The following DHCR7 variants were observed in gnomAD, a reference collection of about 807,000 sequenced individuals.
DHCR7 encodes 7-dehydrocholesterol reductase.
DHCR7 carries 40 observed loss-of-function variants against 43.3 expected under a neutral mutation model. The observed-to-expected ratio is 0.92, with a 90% CI of 0.72 to 1.20. The LOEUF is 1.20. DHCR7 is among the 50% of genes most tolerant of loss of function. The pLI is 0.00. For missense variants in DHCR7, 608 were observed against 644.6 expected (o/e 0.94, Z 0.62); for synonymous variants, 298 against 271.4 (o/e 1.10, Z -0.96).
chr11:71,430,548 G>T (rs951214090), downstream of DHCR7, among the ~76,000 whole-genome samples: 2 of 152,208 alleles, frequency 1.3e-5, no homozygotes, highest in South Asian at 4.1e-4. Context: ...GTCATGTGGG[G>T]TGGCTGCCCT....
At chr11:71,429,795 T>A (rs1370934712), downstream of DHCR7, among the ~76,000 whole-genome samples, 2 of 152,144 alleles carry the variant, frequency 1.3e-5, no homozygotes, top group Non-Finnish European at 2.9e-5. Context: ...ACTTGCCTGG[T>A]ACTTGCCTCT....
intron 8 of DHCR7, among the ~76,000 whole-genome samples, chr11:71,436,349 AAAG>A (rs1247267910): frequency 1.3e-5 from 2 of 152,192 alleles, no homozygotes; most frequent in Non-Finnish European, 2.9e-5. Context: ...CACCTTCCCC[AAAG>A]AAGAGGGAAT....
rs577213881 is a variant in DHCR7, at chr11:71,435,850, A to C, written c.964-11T>G. 6.3e-7 allele frequency: 1 copy of C among 1,593,924 alleles called. No homozygotes were observed. The highest frequency in any genetic ancestry group is 2.2e-5 in the East Asian group (1 of 44,588). ...CACCAAGTACAGACCCTGGGGGGCG[A>C]GGGGGAAGGGGTCAAGCGGTGCTTT... On this transcript the variant is annotated splice_polypyrimidine_tract_variant and intron_variant, in intron 8 of 8. Transcript: ENST00000355527.
chr11:71,446,909 T>C (rs754687659), intron 2 of DHCR7, among the ~76,000 whole-genome samples: 6 of 152,192 alleles, frequency 3.9e-5, no homozygotes, highest in Non-Finnish European at 7.3e-5. Context: ...AAACTACTTC[T>C]GAGAAAAGCT....
chr11:71,448,372 G>A lies in DHCR7; in HGVS notation c.-214C>T, dbSNP rs1949427890. The A allele has an allele frequency of 6.5e-6, 1 of 152,790 alleles. No homozygotes were observed. The highest frequency in any genetic ancestry group is 1.9e-4 in the East Asian group (1 of 5,202). The allele number at this position is 152,790 out of a possible 1,614,324, so 9.5% of individuals were successfully genotyped here. On this transcript the variant is annotated 5_prime_UTR_variant, in exon 1 of 9. Coordinates refer to ENST00000355527, the MANE Select transcript of DHCR7 (RefSeq NM_001360.3). The stretch of plus-strand genomic sequence containing the variant: ...GCTGCTCCACGCCGCCTACCCTCTA[G>A]CCAGGGGTCGGAGTCACCCGCAGGG...
In DHCR7 at chr11:71,441,295, G is replaced by A. The variant is rs757519627; in HGVS notation, c.558C>T (p.Ile186=). 1 of 1,614,240 alleles carries A rather than the reference G, an allele frequency of 6.2e-7. No individual in the cohort carries two copies. The highest frequency in any genetic ancestry group is 1.1e-5 in the South Asian group (1 of 91,084). Residue 186 remains isoleucine (I), a synonymous_variant, in exon 6 of 9, where the codon ATC becomes ATT. Transcript: ENST00000355527. ...NWIPLLWCAN[I]LGYAVSTFAM... is the part of the protein sequence containing the mutation. Reference sequence around the variant, plus strand: ...CGAAGGTGGAGACGGCATAGCCAAGGATGTTGGCGCACCACAGCAGTGGGA... The same window carrying A: ...CGAAGGTGGAGACGGCATAGCCAAGAATGTTGGCGCACCACAGCAGTGGGA...
intron 3 of DHCR7, among the ~76,000 whole-genome samples, chr11:71,444,543 G>A (rs1451078503): frequency 6.6e-6 from 1 of 152,162 alleles, no homozygotes; most frequent in African/African-American, 2.4e-5. Flanking sequence ...CCTGCACGAA[G>A]TCCCCATGGT....
intron 4 of DHCR7, among the ~76,000 whole-genome samples, chr11:71,443,350 A>T (rs1244627964): frequency 6.6e-6 from 1 of 152,060 alleles, no homozygotes; most frequent in Non-Finnish European, 1.5e-5. Flanking sequence ...TCATGATCTG[A>T]GCCTTCCTCC....
In DHCR7 at chr11:71,447,736, TG is replaced by T. The variant is rs1022115987; in HGVS notation, c.-131-3del. On this transcript the variant is annotated splice_polypyrimidine_tract_variant and splice_region_variant and intron_variant, in intron 1 of 8. Transcript: ENST00000355527. The stretch of plus-strand genomic sequence containing the variant: ...GATCCTTCTCAACCGGCTAAAGTCC[TG>T]CAAGGAACACAAAAATGAATAAGAC... The T allele has an allele frequency of 1.7e-4, 26 of 152,284 alleles. No individual in the cohort carries two copies. The highest frequency in any genetic ancestry group is 1.0e-4 in the Non-Finnish European group (7 of 68,066). 9.4% of individuals were successfully genotyped at this position (152,284 alleles called of 1,614,324 possible). A position where few individuals can be genotyped will look rare whatever the true frequency, so the allele number is the denominator to read the frequency against.
In DHCR7 at chr11:71,435,174, T is replaced by C. The variant is rs1387085921; in HGVS notation, c.*201A>G. On this transcript the variant is annotated 3_prime_UTR_variant, in exon 9 of 9. Coordinates refer to ENST00000355527, the MANE Select transcript of DHCR7 (RefSeq NM_001360.3). ...GTCTGTGCTGGCAATACGGCAGTGC[T>C]GGACACTCGGAATTCCCTTGAAGGC... 11 of 708,610 alleles carry C rather than the reference T, an allele frequency of 1.6e-5. No individual in the cohort carries two copies. Among genetic ancestry groups the C allele is most frequent in the East Asian group, 8.1e-5 (3 of 37,128 alleles). 43.9% of individuals were successfully genotyped at this position (708,610 alleles called of 1,614,324 possible).
downstream of DHCR7, among the ~76,000 whole-genome samples, chr11:71,429,969 G>A (rs918439028): frequency 2.6e-5 from 4 of 152,126 alleles, no homozygotes; most frequent in East Asian, 3.9e-4. Flanking sequence ...GACCCATCCC[G>A]TCCCCAGCTC....
chr11:71,437,841 C>T lies in DHCR7; in HGVS notation c.934G>A (p.Val312Ile). 2 of 1,614,040 alleles carry T rather than the reference C, an allele frequency of 1.2e-6. No homozygotes were observed. The highest frequency in any genetic ancestry group is 8.5e-7 in the Non-Finnish European group (1 of 1,180,014). ...FGWYLGWGDC[V>I]WLPYLYTLQG... is the part of the protein sequence containing the mutation. ...AGCGTGTAAAGATAAGGCAGCCAGA[C>T]ACAGTCGCCCCAGCCCAGGTACCAC... The change falls in exon 8 of 9, where the codon GTC becomes ATC. Residue 312 changes from valine (V) to isoleucine (I), a missense_variant. By Grantham distance (29) the Val-to-Ile change is conservative. Coordinates refer to ENST00000355527, the MANE Select transcript of DHCR7 (RefSeq NM_001360.3).
downstream of DHCR7, among the ~76,000 whole-genome samples, chr11:71,429,701 C>T (rs530537051): frequency 3.9e-5 from 6 of 151,978 alleles, no homozygotes; most frequent in East Asian, 5.8e-4. Context: ...GACTCATGAG[C>T]GGCGTTCAGG....
At chr11:71,427,701 G>A (rs181532055), downstream of DHCR7, among the ~76,000 whole-genome samples, 2 of 152,318 alleles carry the variant, frequency 1.3e-5, no homozygotes, top group Admixed American at 1.3e-4. Flanking sequence ...TGAGAGTAGA[G>A]TCTGGGGGAG....
downstream of DHCR7, among the ~76,000 whole-genome samples, chr11:71,432,176 T>A (rs564089673): frequency 2.0e-5 from 3 of 152,346 alleles, no homozygotes; most frequent in South Asian, 6.2e-4. Flanking sequence ...TTGAAACATA[T>A]TCCTCCTCCC....
intron 2 of DHCR7, among the ~76,000 whole-genome samples, chr11:71,446,979 G>A (rs554575693): frequency 7.2e-5 from 11 of 152,302 alleles, no homozygotes; most frequent in Non-Finnish European, 1.5e-4. Flanking sequence ...GCTTGCTTTA[G>A]ACAGTTCCTC....
At chr11:71,442,186 C>T in intron 5 of DHCR7, 77 bp downstream of exon 5, 2 of 1,093,150 alleles carry the variant, frequency 1.8e-6, no homozygotes, top group Non-Finnish European at 2.8e-6. Flanking sequence ...AGGGACAAAG[C>T]AGCGCTGGGG....
chr11:71,442,296 C>T lies in DHCR7; in HGVS notation c.379G>A (p.Gly127Arg). Residue 127 changes from glycine to arginine, a missense_variant, in exon 5 of 9, where the codon GGA becomes AGA. Coordinates refer to ENST00000355527, the MANE Select transcript of DHCR7 (RefSeq NM_001360.3). ...FCHKFLPGYV[G>R]GIQEGAVTPA... ...GTCACGGCCCCCTCCTGGATGCCTC[C>T]TACGTAGCCGGGTAGAAACTTATGG... The T allele has an allele frequency of 1.2e-6, 2 of 1,613,850 alleles. No individual in the cohort carries two copies. The highest frequency in any genetic ancestry group is 1.7e-6 in the Non-Finnish European group (2 of 1,179,932).
chr11:71,435,969 C>T (rs1259119413), intron 8 of DHCR7, 130 bp from the exon 9 acceptor site: 21 of 754,072 alleles, frequency 2.8e-5, no homozygotes, highest in Admixed American at 2.1e-5. Flanking sequence ...CCTCCGTGTT[C>T]TCTTCTGTGA....
Sources: allele counts gnomAD v4.1 joint callset (sites outside exome capture counted in the v4.1 genomes callset), GRCh38; gene constraint gnomAD v4.1.1; transcripts MANE v1.5; gene names NCBI Gene and HGNC (gene_info 2026-07-23, HGNC 2026-07-21).